CNTN3: variants seen among roughly 807,000 people sequenced by gnomAD.
CNTN3 encodes contactin 3.
A neutral mutation model predicts 119.1 loss-of-function variants in CNTN3; 60 were observed. The ratio of observed to expected loss-of-function variants is 0.50; its 90% confidence interval spans 0.41 to 0.62. The LOEUF is 0.62. CNTN3 is among the 20% of genes least tolerant of loss of function. CNTN3 has a pLI of 0.00. For synonymous variants in CNTN3, 450 were observed against 438.7 expected (o/e 1.03, Z -0.32); for missense variants, 1,101 against 1,242.4 (o/e 0.89, Z 1.71).
intron 13 of CNTN3, among the ~76,000 whole-genome samples, chr3:74,331,133 T>C (rs1451110217): frequency 1.3e-5 from 2 of 152,208 alleles, no homozygotes; most frequent in African/African-American, 4.8e-5. Context: ...TCACCTTCAC[T>C]CACCACTCAC....
intron 4 of CNTN3, among the ~76,000 whole-genome samples, chr3:74,436,328 G>A (rs946258702): frequency 2.0e-5 from 3 of 152,166 alleles, no homozygotes; most frequent in African/African-American, 7.2e-5. Context: ...GGCTAAGGCT[G>A]AGGGCATGAT....
At position 74,475,782 on chromosome 3, in the gene CNTN3, G is replaced by C. The variant is rs78253126; in HGVS notation, c.358+10674C>G. On this transcript the variant is annotated intron_variant, in intron 4 of 22. Coordinates refer to ENST00000263665, the MANE Select transcript of CNTN3 (RefSeq NM_020872.3). ...AAATTTATTTGTGACCCCAAAATCA[G>C]TATGTGCAGTACTTTCAAGGTCATT... is the stretch of plus-strand genomic sequence containing the variant. 2.1e-3 allele frequency among the ~76,000 whole-genome samples: 327 copies of C among 152,250 alleles called. 9 individuals carry two copies. In the East Asian group the frequency reaches 0.055, roughly 26 times the overall value.
chr3:74,392,572 A>G (rs977543249), intron 5 of CNTN3, among the ~76,000 whole-genome samples: 1 of 152,220 alleles, frequency 6.6e-6, no homozygotes, highest in African/African-American at 2.4e-5. Flanking sequence ...AGAACAAGAC[A>G]GAGAGAACTT....
At chr3:74,445,317 C>T (rs1702031317) in intron 4 of CNTN3, among the ~76,000 whole-genome samples, 1 of 151,938 alleles carries the variant, frequency 6.6e-6, no homozygotes, top group Admixed American at 6.6e-5. Context: ...AACTGGAGTG[C>T]AGTGGTGGGA....
chr3:74,295,891 T>C (rs939869041), intron 18 of CNTN3, among the ~76,000 whole-genome samples: 48 of 152,282 alleles, frequency 3.2e-4, no homozygotes, highest in African/African-American at 1.1e-3. Flanking sequence ...CTCTGTCAAA[T>C]GATCCTGCTT....
At chr3:74,456,297 A>G (rs1337353229) in intron 4 of CNTN3, among the ~76,000 whole-genome samples, 1 of 152,102 alleles carries the variant, frequency 6.6e-6, no homozygotes, top group Non-Finnish European at 1.5e-5. Context: ...GTTACTTTTA[A>G]ACTGCTTTAC....
chr3:74,342,701 A>G (rs75499363), intron 11 of CNTN3, among the ~76,000 whole-genome samples: 5,948 of 152,302 alleles, frequency 0.039, 401 homozygotes, highest in African/African-American at 0.14. Context: ...CATGACAAAT[A>G]TATTTAGAGC....
chr3:74,320,061 C>T (rs1001542606), intron 13 of CNTN3, among the ~76,000 whole-genome samples: 2 of 152,204 alleles, frequency 1.3e-5, no homozygotes, highest in Admixed American at 6.5e-5. Context: ...CACTTTGACA[C>T]TGTTGGTGGG....
chr3:74,455,659 G>T (rs1363223935), intron 4 of CNTN3, among the ~76,000 whole-genome samples: 1 of 152,038 alleles, frequency 6.6e-6, no homozygotes, highest in African/African-American at 2.4e-5. Context: ...TGATGATGGT[G>T]ATGTACAGAT....
chr3:74,400,375 G>A (rs9824031), intron 5 of CNTN3, among the ~76,000 whole-genome samples: 2 of 152,182 alleles, frequency 1.3e-5, no homozygotes, highest in Non-Finnish European at 2.9e-5. Flanking sequence ...CACCGTCCCA[G>A]TTGGGGTCGT....
chr3:74,523,833 G>A (rs938732045), intron 1 of CNTN3, among the ~76,000 whole-genome samples: 24 of 151,734 alleles, frequency 1.6e-4, no homozygotes, highest in Admixed American at 6.6e-5. Flanking sequence ...TTATAAATAA[G>A]GAGTAAATTA....
chr3:74,367,603 T>G (rs1704231103), intron 8 of CNTN3, among the ~76,000 whole-genome samples: 1 of 151,862 alleles, frequency 6.6e-6, no homozygotes, highest in Non-Finnish European at 1.5e-5. Flanking sequence ...TAGTCACTGC[T>G]GGCAGCCATT....
intron 1 of CNTN3, among the ~76,000 whole-genome samples, chr3:74,552,109 T>C (rs998431965): frequency 6.6e-6 from 1 of 152,170 alleles, no homozygotes; most frequent in Non-Finnish European, 1.5e-5. Context: ...GGTTTCTCCA[T>C]GTCTTTTCAT....
chr3:74,597,633 A>T (rs993828178), intron 1 of CNTN3, among the ~76,000 whole-genome samples: 1 of 152,040 alleles, frequency 6.6e-6, no homozygotes, highest in East Asian at 1.9e-4. Context: ...TTTTTCAGGG[A>T]TTTGTACTTT....
intron 4 of CNTN3, among the ~76,000 whole-genome samples, chr3:74,456,455 A>G (rs1202884935): frequency 2.6e-5 from 4 of 152,038 alleles, no homozygotes; most frequent in African/African-American, 9.7e-5. Context: ...TAATGATCTC[A>G]ACAGGAGGGG....
At chr3:74,267,203 A>C (rs1354998517) in intron 21 of CNTN3, 63 bp downstream of exon 21, 9 of 973,016 alleles carry the variant, frequency 9.2e-6, no homozygotes, top group African/African-American at 1.6e-5. Flanking sequence ...ACTTATACCT[A>C]GCTTCTCTTG....
rs555927244 is a variant in CNTN3, at chr3:74,297,937, T to C, written c.2401+20A>G. 5.7e-6 allele frequency: 9 copies of C among 1,571,008 alleles called. No individual in the cohort carries two copies. Among genetic ancestry groups the C allele is most frequent in the Admixed American group, 3.4e-5 (2 of 59,338 alleles). ...TAATTATTATTAGGCGGAACTGATA[T>C]ACAGTCATGTTTTCCATACCTTCTT... On this transcript the variant is annotated intron_variant, in intron 18 of 22. Coordinates refer to ENST00000263665, the MANE Select transcript of CNTN3 (RefSeq NM_020872.3).
At chr3:74,312,706 A>G (rs1702722496) in intron 13 of CNTN3, among the ~76,000 whole-genome samples, 1 of 152,068 alleles carries the variant, frequency 6.6e-6, no homozygotes. Context: ...CTCACACCTT[A>G]CCATTACATT....
At chr3:74,390,182 C>A (rs1449532714) in intron 5 of CNTN3, among the ~76,000 whole-genome samples, 1 of 152,190 alleles carries the variant, frequency 6.6e-6, no homozygotes, top group Non-Finnish European at 1.5e-5. Flanking sequence ...AGAAGCATTA[C>A]TCCAACAGTT....
Sources: gnomAD v4.1 joint callset for allele counts (sites outside exome capture counted in the v4.1 genomes callset) on GRCh38, gnomAD v4.1.1 for gene constraint, MANE v1.5 for transcripts, NCBI Gene and HGNC (gene_info 2026-07-23, HGNC 2026-07-21) for gene names.